PLEKHG1: variants seen among roughly 807,000 people sequenced by gnomAD.
The protein encoded by PLEKHG1 is pleckstrin homology domain-containing family G member 1.
A neutral mutation model predicts 100.8 loss-of-function variants in PLEKHG1; 44 were observed. That is an observed-to-expected ratio of 0.44 (90% CI 0.34 to 0.56). PLEKHG1 has a LOEUF of 0.56. Among genes scored for constraint, PLEKHG1 ranks in the 20% least tolerant of loss-of-function variants. The pLI is 0.01. For missense variants in PLEKHG1, 1,545 were observed against 1,720.9 expected, an observed-to-expected ratio of 0.90 and a Z score of 1.81; for synonymous variants, 640 against 662.5, an observed-to-expected ratio of 0.97 and a Z score of 0.52.
At chr6:150,822,887 C>T (rs1300480724) in intron 13 of PLEKHG1, among the ~76,000 whole-genome samples, 1 of 151,996 alleles carries the variant, frequency 6.6e-6, no homozygotes, top group African/African-American at 2.4e-5. Context: ...GGCTGAGACA[C>T]AAGAATCGCT....
At chr6:150,750,191 A>C (rs1374625881) in intron 2 of PLEKHG1, among the ~76,000 whole-genome samples, 2 of 152,220 alleles carry the variant, frequency 1.3e-5, no homozygotes, top group Non-Finnish European at 2.9e-5. Flanking sequence ...TATTAATACC[A>C]AGGATAGGAA....
intron 15 of PLEKHG1, among the ~76,000 whole-genome samples, chr6:150,838,770 T>C (rs1285097644): frequency 6.6e-6 from 1 of 152,224 alleles, no homozygotes; most frequent in African/African-American, 2.4e-5. Context: ...AACTGTTAGG[T>C]CCTATTCTTG....
exon 16 of PLEKHG1, chr6:150,843,129 C>T (rs1777605635): frequency 6.6e-6 from 1 of 152,140 alleles, no homozygotes; most frequent in Admixed American, 6.5e-5. Flanking sequence ...TGGTATTATC[C>T]AGTTCTATGT....
rs138250589 is a variant in PLEKHG1, at chr6:150,620,964, C to A, written c.-203-17116C>A. Among the ~76,000 whole-genome samples the A allele has an allele frequency of 3.0e-4, 46 of 152,274 alleles. 1 individual carries two copies. The East Asian group carries it at 8.9e-3, about 29-fold the overall frequency. ...ACCTGAAGAAGGAAATAAAACAATG[C>A]AATTTATCCTGCCTCTGACAACAAG... On this transcript the variant is annotated intron_variant, in intron 1 of 3. Transcript: ENST00000367326.
chr6:150,641,855 T>G (rs1247384757), intron 2 of PLEKHG1, among the ~76,000 whole-genome samples: 1 of 120,336 alleles, frequency 8.3e-6, no homozygotes, highest in Non-Finnish European at 1.7e-5. Context: ...AAGCCTGTTT[T>G]ACTTGACTGA....
chr6:150,794,783 G>A (rs1338857708), intron 4 of PLEKHG1, among the ~76,000 whole-genome samples: 7 of 152,068 alleles, frequency 4.6e-5, no homozygotes, highest in Admixed American at 3.3e-4. Flanking sequence ...GGGCAGAGAC[G>A]AGGAGTTAAT....
chr6:150,740,210 C>T (rs1318732694), intron 2 of PLEKHG1, among the ~76,000 whole-genome samples: 1 of 152,232 alleles, frequency 6.6e-6, no homozygotes, highest in Non-Finnish European at 1.5e-5. Context: ...GGGGGCACCC[C>T]TCCCTTGAGG....
upstream of PLEKHG1, among the ~76,000 whole-genome samples, chr6:150,719,344 G>T (rs1781566806): frequency 6.6e-6 from 1 of 152,128 alleles, no homozygotes; most frequent in Non-Finnish European, 1.5e-5. Context: ...GTTAAAAGTA[G>T]CTGTGTTGTG....
At chr6:150,651,824 A>G (rs1778756352) in intron 3 of PLEKHG1, 1 of 152,190 alleles carries the variant, frequency 6.6e-6, no homozygotes, top group Middle Eastern at 3.4e-3. Flanking sequence ...GTACCACTGC[A>G]CTCCAGCCTA....
At chr6:150,800,984 C>T in intron 6 of PLEKHG1, 115 bp downstream of exon 7, 1 of 823,628 alleles carries the variant, frequency 1.2e-6, no homozygotes, top group Non-Finnish European at 1.9e-6. Flanking sequence ...ATTTCCCACA[C>T]TCATATTTCA....
chr6:150,672,913 C>G (rs1269605334), intron 3 of PLEKHG1, among the ~76,000 whole-genome samples: 1 of 152,204 alleles, frequency 6.6e-6, no homozygotes, highest in Non-Finnish European at 1.5e-5. Flanking sequence ...CATATCAACT[C>G]TCTGCTTATT....
chr6:150,628,846 ATGTAGTG>A (rs1777623678), intron 1 of PLEKHG1, among the ~76,000 whole-genome samples: 1 of 152,206 alleles, frequency 6.6e-6, no homozygotes, highest in African/African-American at 2.4e-5. Context: ...CCAGGTAAGA[ATGTAGTG>A]CTGTCATCCA....
chr6:150,634,255 AAAAAAAAG>A (rs1369305956), intron 1 of PLEKHG1, among the ~76,000 whole-genome samples: 2 of 150,404 alleles, frequency 1.3e-5, no homozygotes, highest in Non-Finnish European at 2.9e-5. Flanking sequence ...CCCCCCAAAA[AAAAAAAAG>A]AAAAAAAGAG....
rs1332501698 is a variant in PLEKHG1 at position 150,600,405 on chromosome 6, G to A, written c.-204+388G>A. 3.9e-5 allele frequency among the ~76,000 whole-genome samples: 6 copies of A among 152,132 alleles called. No individual in the cohort carries two copies. The highest frequency in any genetic ancestry group is 7.4e-5 in the Non-Finnish European group (5 of 67,996). On this transcript the variant is annotated intron_variant, in intron 1 of 3. Coordinates refer to the PLEKHG1 transcript ENST00000367326. This position sits in a 1 kb window ranked among gnomAD's most constrained non-coding sequence, Gnocchi z 6.2. ...GCAGAGGAGTTTCTGCGAGCACCCG[G>A]GAGTTGTAGCCACCGCTTCCCCACC...
At chr6:150,833,712 A>G (rs1225089171) in intron 15 of PLEKHG1, among the ~76,000 whole-genome samples, 1 of 152,214 alleles carries the variant, frequency 6.6e-6, no homozygotes, top group Non-Finnish European at 1.5e-5. Context: ...TTCAAATAGT[A>G]TGCCCTTTTC....
At chr6:150,795,384 A>C (rs1445540381) in intron 4 of PLEKHG1, among the ~76,000 whole-genome samples, 5 of 139,486 alleles carry the variant, frequency 3.6e-5, no homozygotes, top group Non-Finnish European at 7.6e-5. Context: ...CGACAGAGCG[A>C]GATTCCATCT....
intron 3 of PLEKHG1, among the ~76,000 whole-genome samples, chr6:150,774,396 G>A (rs1300292389): frequency 6.6e-6 from 1 of 151,918 alleles, no homozygotes; most frequent in Non-Finnish European, 1.5e-5. Flanking sequence ...AATAAAGTTA[G>A]CATATGATTT....
intron 3 of PLEKHG1, among the ~76,000 whole-genome samples, chr6:150,774,339 A>G (rs370418396): frequency 7.4e-4 from 112 of 152,156 alleles, no homozygotes; most frequent in African/African-American, 2.7e-3. Flanking sequence ...CTTTTGCTAA[A>G]ATTTTATTGT....
chr6:150,670,799 T>C (rs1779557807), intron 3 of PLEKHG1, among the ~76,000 whole-genome samples: 1 of 152,132 alleles, frequency 6.6e-6, no homozygotes, highest in Admixed American at 6.6e-5. Context: ...TGTTGTTATA[T>C]GAGTAAGTTC....
Sources: allele counts gnomAD v4.1 joint callset (sites outside exome capture counted in the v4.1 genomes callset), GRCh38; gene constraint gnomAD v4.1.1; non-coding constraint Gnocchi (gnomAD v3.1); transcripts MANE v1.5; gene names NCBI Gene and HGNC (gene_info 2026-07-23, HGNC 2026-07-21).